SLC35A3: variants seen among roughly 807,000 people sequenced by gnomAD.
SLC35A3 encodes the protein solute carrier family 35 member A3.
A neutral mutation model predicts 39.0 loss-of-function variants in SLC35A3; 26 were observed. The ratio of observed to expected loss-of-function variants is 0.67; its 90% CI spans 0.49 to 0.92. The LOEUF (loss-of-function observed/expected upper bound fraction) is 0.92. Among genes scored for constraint, SLC35A3 ranks in the 40% least tolerant of loss-of-function variants. The pLI, the probability that SLC35A3 is intolerant of heterozygous loss-of-function variation, is 0.00. For synonymous variants in SLC35A3, 135 were observed against 133.1 expected (o/e 1.01, Z -0.10); for missense variants, 299 against 371.6 (o/e 0.80, Z 1.61).
At chr1:100,011,624 G>A (rs1474918692) in intron 5 of SLC35A3, 91 bp downstream of exon 5, 2 of 393,218 alleles carry the variant, frequency 5.1e-6, no homozygotes, top group Non-Finnish European at 8.6e-6. Context: ...AATGAGCCTT[G>A]CATAAAATCT....
At chr1:99,977,589 A>C (rs1022281891) in intron 1 of SLC35A3, among the ~76,000 whole-genome samples, 1 of 4,400 alleles carries the variant, frequency 2.3e-4, no homozygotes, top group South Asian at 7.9e-3. Context: ...GGAGGGAGGG[A>C]GGGCGGGCAG....
intron 7 of SLC35A3, among the ~76,000 whole-genome samples, chr1:100,021,845 T>G (rs1464357788): frequency 6.6e-6 from 1 of 152,158 alleles, no homozygotes; most frequent in Non-Finnish European, 1.5e-5. Context: ...TAAAAATTGG[T>G]CCTGAGTTTT....
intron 2 of SLC35A3, among the ~76,000 whole-genome samples, chr1:99,996,190 A>G (rs929735619): frequency 1.3e-5 from 2 of 152,206 alleles, no homozygotes; most frequent in Non-Finnish European, 2.9e-5. Flanking sequence ...AAAAGGTACA[A>G]ATAAGACATA....
chr1:100,011,599 A>G (rs1376388817), intron 5 of SLC35A3, 66 bp downstream of exon 5: 3 of 544,978 alleles, frequency 5.5e-6, no homozygotes, highest in Non-Finnish European at 5.6e-6. Flanking sequence ...AAAGATTTCT[A>G]TATATCTTTA....
intron 2 of SLC35A3, among the ~76,000 whole-genome samples, chr1:99,997,425 T>TATATATAC (rs1658480013): frequency 2.7e-5 from 1 of 36,534 alleles, no homozygotes; most frequent in African/African-American, 6.5e-5. Flanking sequence ...TATATATATA[T>TATATATAC]ATATATATAT....
intron 1 of SLC35A3, among the ~76,000 whole-genome samples, chr1:99,971,020 C>T (rs915277764): frequency 2.0e-5 from 3 of 152,156 alleles, no homozygotes; most frequent in African/African-American, 7.2e-5. Context: ...ATATGCTCGT[C>T]TTTCCTCTTC....
chr1:99,994,037 T>A (rs1025204159), intron 2 of SLC35A3, among the ~76,000 whole-genome samples: 11 of 152,132 alleles, frequency 7.2e-5, no homozygotes, highest in African/African-American at 2.7e-4. Flanking sequence ...TCTAGAAGAA[T>A]CATAATAATT....
chr1:99,984,869 C>T (rs1299164534), intron 1 of SLC35A3, among the ~76,000 whole-genome samples: 1 of 151,990 alleles, frequency 6.6e-6, no homozygotes, highest in Non-Finnish European at 1.5e-5. Flanking sequence ...GTTTATTGGC[C>T]ATTTGTATAT....
At chr1:100,003,438 A>AGAG (rs1658968834) in intron 3 of SLC35A3, among the ~76,000 whole-genome samples, 2 of 149,002 alleles carry the variant, frequency 1.3e-5, no homozygotes, top group African/African-American at 5.1e-5. Flanking sequence ...AAAAAAAAAA[A>AGAG]AGAGAAGAGG....
intron 1 of SLC35A3, among the ~76,000 whole-genome samples, chr1:99,986,477 G>A (rs536871417): frequency 6.6e-6 from 1 of 151,896 alleles, no homozygotes; most frequent in African/African-American, 2.4e-5. Flanking sequence ...TAAATAAAGA[G>A]CATTAATAAT....
rs992385196 is a variant in SLC35A3 at position 100,033,087 on chromosome 1, G to T, written c.*10611G>T. ...TGTTACTGAGCTGTCATTGTTTCTA[G>T]GCCATTTTAGTGGACATAGCTAGGA... is the stretch of plus-strand genomic sequence containing the variant. On this transcript the variant is annotated 3_prime_UTR_variant, in exon 8 of 8. Coordinates refer to ENST00000533028, the MANE Select transcript of SLC35A3 (RefSeq NM_012243.3). The T allele has an allele frequency of 6.6e-6, 1 of 151,918 alleles. No homozygotes were observed. The highest frequency in any genetic ancestry group is 1.5e-5 in the Non-Finnish European group (1 of 67,986). 9.4% of individuals were successfully genotyped at this position (151,918 alleles called of 1,614,324 possible).
intron 3 of SLC35A3, among the ~76,000 whole-genome samples, chr1:100,002,405 T>A (rs1475819665): frequency 2.6e-5 from 4 of 152,158 alleles, no homozygotes; most frequent in Admixed American, 2.6e-4. Flanking sequence ...TTCATAATAG[T>A]CTCTAATGAT....
At chr1:99,987,275 C>G (rs559690155) in intron 1 of SLC35A3, among the ~76,000 whole-genome samples, 31 of 152,264 alleles carry the variant, frequency 2.0e-4, no homozygotes, top group African/African-American at 7.2e-4. Flanking sequence ...CTCTAAAGTG[C>G]TATAATTTTA....
Position 100,007,190 on chromosome 1 carries a change from T to C in SLC35A3, c.465+34T>C. ...TCAAGATAAGTATATATTTTTATCT[T>C]TATTGTGGTTTCAAAACCTTATTTA... On this transcript the variant is annotated intron_variant, in intron 4 of 7. Coordinates refer to ENST00000533028, the MANE Select transcript of SLC35A3 (RefSeq NM_012243.3). The C allele has an allele frequency of 2.0e-6, 3 of 1,534,064 alleles. No individual in the cohort carries two copies. The South Asian group carries it at 3.6e-5, about 19-fold the overall frequency.
intron 1 of SLC35A3, among the ~76,000 whole-genome samples, chr1:99,992,028 T>G (rs1001626345): frequency 6.6e-6 from 1 of 152,230 alleles, no homozygotes; most frequent in Non-Finnish European, 1.5e-5. Context: ...ATTACAGGCA[T>G]GAGCCACTGC....
chr1:100,002,735 G>A (rs1221819441), intron 3 of SLC35A3, among the ~76,000 whole-genome samples: 1 of 151,938 alleles, frequency 6.6e-6, no homozygotes, highest in African/African-American at 2.4e-5. Flanking sequence ...TCCCATCTCA[G>A]CCTCCTGAAT....
chr1:100,015,666 A>T (rs1450375831), intron 6 of SLC35A3: 2 of 407,276 alleles, frequency 4.9e-6, no homozygotes, highest in Non-Finnish European at 8.4e-6. Flanking sequence ...CAAGTTTAAG[A>T]ATAAAAGAGT....
At chr1:100,011,620 C>G (rs1426021458) in intron 5 of SLC35A3, 87 bp downstream of exon 5, 1 of 426,324 alleles carries the variant, frequency 2.3e-6, no homozygotes, top group Non-Finnish European at 3.8e-6. Context: ...AATAAATGAG[C>G]CTTGCATAAA....
At chr1:99,976,666 T>C (rs1039445294) in intron 1 of SLC35A3, among the ~76,000 whole-genome samples, 3 of 152,184 alleles carry the variant, frequency 2.0e-5, no homozygotes, top group African/African-American at 7.2e-5. Flanking sequence ...GCAACATGGA[T>C]GGAGCTGAAG....
Sources: gnomAD v4.1 joint callset for allele counts (sites outside exome capture counted in the v4.1 genomes callset) on GRCh38, gnomAD v4.1.1 for gene constraint, MANE v1.5 for transcripts, NCBI Gene and HGNC (gene_info 2026-07-23, HGNC 2026-07-21) for gene names.